LONP1: variants seen among roughly 807,000 people sequenced by gnomAD.
The protein encoded by LONP1 is lon protease homolog, mitochondrial.
In LONP1, 31 loss-of-function variants were observed where a neutral mutation model predicts 98.5. The ratio of observed to expected loss-of-function variants is 0.31; its 90% CI spans 0.24 to 0.42. The LOEUF (loss-of-function observed/expected upper bound fraction) is 0.42. Among genes scored for constraint, LONP1 ranks in the 20% least tolerant of loss-of-function variants. LONP1 has a pLI of 1.00. For missense variants in LONP1, 1,336 were observed against 1,350.6 expected, an observed-to-expected ratio of 0.99 and a Z score of 0.17; for synonymous variants, 781 against 594.7, an observed-to-expected ratio of 1.31 and a Z score of -4.56.
chr19:5,709,940 A>G (rs1285131300), intron 4 of LONP1, among the ~76,000 whole-genome samples: 1 of 149,388 alleles, frequency 6.7e-6, no homozygotes, highest in Admixed American at 6.7e-5. Flanking sequence ...AAAAAGAACA[A>G]GTTCGCTGCC....
intron 10 of LONP1, among the ~76,000 whole-genome samples, chr19:5,698,583 T>G (rs944832242): frequency 6.6e-6 from 1 of 152,066 alleles, no homozygotes; most frequent in African/African-American, 2.4e-5. Context: ...CGCGGCCCGG[T>G]CCTCACTGGA....
intron 8 of LONP1, among the ~76,000 whole-genome samples, chr19:5,701,860 G>A (rs926809037): frequency 1.2e-4 from 18 of 151,162 alleles, no homozygotes; most frequent in South Asian, 2.1e-4. Context: ...GTCTCTGCCC[G>A]GCCGCCCATC....
intron 13 of LONP1, 97 bp from the exon 14 acceptor site, chr19:5,694,998 C>G (rs982382827): frequency 7.1e-7 from 1 of 1,409,054 alleles, no homozygotes; most frequent in African/African-American, 1.4e-5. Flanking sequence ...GCCCCCAGAC[C>G]CTGGCCTGGG....
chr19:5,693,812 C>G, intron 15 of LONP1, 43 bp from the exon 16 acceptor site: 1 of 1,551,002 alleles, frequency 6.4e-7, no homozygotes, highest in South Asian at 1.1e-5. Context: ...GCCTCGGAGC[C>G]CAGGCCGGTG....
At chr19:5,705,136 T>C (rs993791135) in intron 8 of LONP1, among the ~76,000 whole-genome samples, 1 of 148,908 alleles carries the variant, frequency 6.7e-6, no homozygotes, top group South Asian at 2.1e-4. Context: ...TACTCCAGCC[T>C]GGACAACAGA....
rs749515728 is a variant in LONP1, at chr19:5,693,590, A to G, written c.2500T>C (p.Tyr834His). ...FLMQHAPAND[Y>H]LVTSHIHLHV... ...AGGTGGATGTGTGAGGTCACCAGGT[A>G]GTCATTGGCGGGGGCGTGCTGCATG... The change falls in exon 16 of 18, where the codon TAC (tyrosine) becomes CAC (histidine). Residue 834 changes from tyrosine (Y) to histidine (H), a missense_variant. Physicochemically the swap from Tyr to His is moderately conservative, Grantham distance 83. This residue lies in a region of LONP1 where 555 missense variants were observed against 542.6 expected (regional missense o/e 1.02). Transcript: ENST00000360614. 1 of 1,614,068 alleles carries G rather than the reference A, an allele frequency of 6.2e-7. No individual in the cohort carries two copies. Among genetic ancestry groups the G allele is most frequent in the East Asian group, 2.2e-5 (1 of 44,870 alleles).
intron 8 of LONP1, among the ~76,000 whole-genome samples, chr19:5,702,553 CATG>C (rs530183703): frequency 2.5e-4 from 38 of 152,176 alleles, no homozygotes; most frequent in African/African-American, 6.7e-4. Flanking sequence ...GAGAACGGGC[CATG>C]ATGACAATGG....
Position 5,719,813 on chromosome 19 carries a change from G to C in LONP1, c.320C>G (p.Pro107Arg), listed in dbSNP as rs748759945. The part of the protein sequence containing the change: ...AGGSAGAGEG[P>R]VITALTPMTI... ...CATGGGCGTGAGCGCCGTTATGACC[G>C]GGCCTTCCCCGGCGCCCGCGCTGCC... Residue 107 changes from proline to arginine, a missense_variant, in exon 1 of 18, where the codon CCG becomes CGG. Physicochemically the swap from Pro to Arg is moderately radical, Grantham distance 103. Coordinates refer to ENST00000360614, the MANE Select transcript of LONP1 (RefSeq NM_004793.4). The C allele has an allele frequency of 4.0e-5, 65 of 1,611,554 alleles. No individual in the cohort carries two copies. Among genetic ancestry groups the C allele is most frequent in the Middle Eastern group, 1.8e-4 (1 of 5,604 alleles).
Position 5,696,269 on chromosome 19 carries a change from C to G in LONP1, c.1876G>C (p.Val626Leu). The change falls in exon 12 of 18, where the codon GTG (valine) becomes CTG (leucine). Residue 626 changes from valine to leucine, a missense_variant. By Grantham distance (32) the Val-to-Leu change is conservative. This residue lies in a region of LONP1 where 555 missense variants were observed against 542.6 expected (regional missense o/e 1.02). Coordinates refer to ENST00000360614, the MANE Select transcript of LONP1 (RefSeq NM_004793.4). ...NANFLDHYLD[V>L]PVDLSKVLFI... ...CCCACCTTGGACAAGTCCACGGGCACGTCCAGGTAGTGGTCCAGGAAGTTG... is the reference window on the plus strand; with the variant it reads ...CCCACCTTGGACAAGTCCACGGGCAGGTCCAGGTAGTGGTCCAGGAAGTTG... 1 of 1,613,364 alleles carries G rather than the reference C, an allele frequency of 6.2e-7. No individual in the cohort carries two copies. The highest frequency in any genetic ancestry group is 8.5e-7 in the Non-Finnish European group (1 of 1,179,888).
At chr19:5,701,649 C>G (rs1178193954) in intron 8 of LONP1, among the ~76,000 whole-genome samples, 2 of 152,216 alleles carry the variant, frequency 1.3e-5, no homozygotes, top group Non-Finnish European at 2.9e-5. Context: ...GGTGCCCAGG[C>G]TGGAGTGCAG....
intron 8 of LONP1, among the ~76,000 whole-genome samples, chr19:5,704,199 G>C (rs956201712): frequency 1.3e-5 from 2 of 152,236 alleles, no homozygotes; most frequent in Admixed American, 1.3e-4. Context: ...CGAGCCGAGG[G>C]ATGCGGGCGC....
intron 14 of LONP1, 46 bp from the exon 15 acceptor site, chr19:5,694,598 AGGTGCGGGGTGGTGGGGTGACG>A (rs2054890779): frequency 1.4e-6 from 2 of 1,471,126 alleles, no homozygotes; most frequent in South Asian, 1.2e-5. Context: ...GTGGGGTGAC[AGGTGCGGGGTGGTGGGGTGACG>A]GGCACAGAAA....
intron 4 of LONP1, 65 bp from the exon 5 acceptor site, chr19:5,708,468 G>GGGGGGGGGC: frequency 1.3e-5 from 7 of 551,256 alleles, no homozygotes; most frequent in Non-Finnish European, 1.7e-5. Context: ...GGCTGGGTGG[G>GGGGGGGGGC]AGCATGGCCC....
chr19:5,710,658 A>G (rs1423222989), intron 4 of LONP1, among the ~76,000 whole-genome samples: 1 of 152,088 alleles, frequency 6.6e-6, no homozygotes, highest in Non-Finnish European at 1.5e-5. Context: ...GATGACAGGC[A>G]TGAGACACTG....
In LONP1 at chr19:5,696,821, C is replaced by A. The variant is rs1203064935; in HGVS notation, c.1686-64G>T. The A allele has an allele frequency of 3.5e-6, 4 of 1,138,882 alleles. No individual in the cohort carries two copies. In the African/African-American group the frequency reaches 6.1e-5, roughly 17 times the overall value. 70.5% of individuals were successfully genotyped at this position (1,138,882 alleles called of 1,614,324 possible). A position where few individuals can be genotyped will look rare whatever the true frequency, so the allele number is the denominator to read the frequency against. On this transcript the variant is annotated intron_variant, in intron 10 of 17. Coordinates refer to ENST00000360614, the MANE Select transcript of LONP1 (RefSeq NM_004793.4). The stretch of plus-strand genomic sequence containing the variant: ...CTGGCTCGGCCACAACGACACCATG[C>A]ACCCTCCAGGGCCACAGGGGAGAGG...
At position 5,694,798 on chromosome 19, in the gene LONP1, T is replaced by G. The variant is rs2054896344; in HGVS notation, c.2117A>C (p.Glu706Ala). 6.3e-7 allele frequency: 1 copy of G among 1,594,498 alleles called. No individual in the cohort carries two copies. The highest frequency in any genetic ancestry group is 2.3e-5 in the East Asian group (1 of 44,248). Residue 706 changes from glutamate (E) to alanine (A), a missense_variant, in exon 14 of 18, where the codon GAG (glutamate) becomes GCG (alanine). Glu to Ala is a moderately radical substitution (Grantham distance 107). Around this residue, in one of 5 missense-constraint regions of LONP1, gnomAD observed 555 missense variants for 542.6 expected, o/e 1.02. Transcript: ENST00000360614. The stretch of plus-strand genomic sequence containing the variant: ...CTTCTGCAGGTTGCGGACACCGCTC[T>G]CGCGGCAGTACTGCTTGATGAGCAG... ...LTLLIKQYCR[E>A]SGVRNLQKQV...
chr19:5,699,322 G>GGATT, intron 9 of LONP1, 117 bp from the exon 10 acceptor site: 1 of 783,782 alleles, frequency 1.3e-6, no homozygotes, highest in Non-Finnish European at 1.8e-6. Context: ...GAAGGGACCA[G>GGATT]GATTGTCCGG....
intron 8 of LONP1, among the ~76,000 whole-genome samples, chr19:5,701,591 C>G (rs542989209): frequency 6.6e-6 from 1 of 152,374 alleles, no homozygotes; most frequent in Admixed American, 6.5e-5. Flanking sequence ...CCTCGGCCTC[C>G]CGAGGTGCCG....
intron 2 of LONP1, 99 bp downstream of exon 2, chr19:5,714,084 G>A (rs1300178345): frequency 1.5e-5 from 13 of 871,450 alleles, no homozygotes; most frequent in East Asian, 1.0e-4. Context: ...TGGTTTCCTC[G>A]GGGTCAGGGG....
Sources: allele counts gnomAD v4.1 joint callset (sites outside exome capture counted in the v4.1 genomes callset), GRCh38; gene constraint gnomAD v4.1.1; regional missense constraint gnomAD v4.1.1; transcripts MANE v1.5; gene names NCBI Gene and HGNC (gene_info 2026-07-23, HGNC 2026-07-21).